The following RCC1L variants were observed in gnomAD, a reference collection of about 807,000 sequenced individuals.
RCC1L encodes the protein RCC1-like G exchanging factor-like protein.
In RCC1L, 46 loss-of-function variants were observed where a neutral mutation model predicts 58.6. The observed-to-expected ratio is 0.79, with a 90% CI of 0.62 to 1.00. The LOEUF (loss-of-function observed/expected upper bound fraction) is 1.00. Among genes scored for constraint, RCC1L ranks in the 50% least tolerant of loss-of-function variants. RCC1L has a pLI of 0.00. For missense variants in RCC1L, 636 were observed against 623.6 expected, an observed-to-expected ratio of 1.02 and a Z score of -0.21; for synonymous variants, 281 against 262.9, an observed-to-expected ratio of 1.07 and a Z score of -0.67.
At chr7:75,039,679 G>A (rs1419059158), downstream of RCC1L, among the ~76,000 whole-genome samples, 3 of 152,090 alleles carry the variant, frequency 2.0e-5, no homozygotes, top group Non-Finnish European at 4.4e-5. Flanking sequence ...TTCCACCCGG[G>A]TGCCTCTCTG....
chr7:75,048,780 C>T (rs1161046773), intron 10 of RCC1L, among the ~76,000 whole-genome samples: 3 of 152,234 alleles, frequency 2.0e-5, no homozygotes, highest in Middle Eastern at 3.2e-3. Context: ...TCAAATGTTC[C>T]GTGCCACTGC....
chr7:75,072,254 T>C (rs1241657207), intron 1 of RCC1L, among the ~76,000 whole-genome samples: 1 of 142,966 alleles, frequency 7.0e-6, no homozygotes, highest in Non-Finnish European at 1.5e-5. Flanking sequence ...CTCAAACTCT[T>C]GAACTCAAAT....
rs1806332458 is a variant in RCC1L, at chr7:75,063,245, A to G, written c.702+47T>C. 2.5e-6 allele frequency: 4 copies of G among 1,612,436 alleles called. No individual in the cohort carries two copies. The Admixed American group carries it at 5.0e-5, about 20-fold the overall frequency. ...CCCTACCCAAATCTCAACTTTTCAA[A>G]AGCACCCCAGGAACACAACAAGCAG... On this transcript the variant is annotated intron_variant, in intron 5 of 10. Transcript: ENST00000610322.
At chr7:75,045,715 C>A (rs1805699072) in intron 10 of RCC1L, among the ~76,000 whole-genome samples, 2 of 152,310 alleles carry the variant, frequency 1.3e-5, no homozygotes, top group Non-Finnish European at 1.5e-5. Context: ...GGGGTTTCAC[C>A]ATGTTGGCTA....
At chr7:75,068,151 C>A (rs1554445499) in intron 2 of RCC1L, among the ~76,000 whole-genome samples, 1 of 150,436 alleles carries the variant, frequency 6.6e-6, no homozygotes, top group African/African-American at 2.4e-5. Flanking sequence ...GAAACCCCAT[C>A]TCTACTAAAA....
At chr7:75,050,966 G>A (rs1323678490) in intron 10 of RCC1L, among the ~76,000 whole-genome samples, 1 of 151,882 alleles carries the variant, frequency 6.6e-6, no homozygotes, top group African/African-American at 2.4e-5. Flanking sequence ...GGTGGTGTAC[G>A]CCTGTGGTCC....
rs1806779382 is a variant in RCC1L, at chr7:75,072,176, A to ATATATATATATATG, written c.324+1237_324+1238insCATATATATATATA. Among the ~76,000 whole-genome samples, 5 of 94,366 alleles carry ATATATATATATATG rather than the reference A, an allele frequency of 5.3e-5. No individual in the cohort carries two copies. The South Asian group carries it at 1.6e-3, about 30-fold the overall frequency. 61.9% of individuals were successfully genotyped at this position (94,366 alleles called of 152,430 possible). A position where few individuals can be genotyped will look rare whatever the true frequency, so the allele number is the denominator to read the frequency against. On this transcript the variant is annotated intron_variant, in intron 1 of 10. Coordinates refer to ENST00000610322, the MANE Select transcript of RCC1L (RefSeq NM_030798.5). ...TATACATATACATATATATATATAT[A>ATATATATATATATG]TATATATATATATATGGAGAGAGAG...
At chr7:75,050,384 G>A (rs1584492843) in intron 10 of RCC1L, among the ~76,000 whole-genome samples, 2 of 152,200 alleles carry the variant, frequency 1.3e-5, no homozygotes, top group Non-Finnish European at 2.9e-5. Context: ...GAATGTCAAC[G>A]GGATCGGGCT....
chr7:75,030,518 A>G (rs2131965405), intron 10 of RCC1L, among the ~76,000 whole-genome samples: 1 of 152,292 alleles, frequency 6.6e-6, no homozygotes, highest in Non-Finnish European at 1.5e-5. Context: ...GTTCTGGCTC[A>G]GGGTCATTCA....
At chr7:75,052,886 A>G in intron 9 of RCC1L, 90 bp from the exon 10 acceptor site, 2 of 1,266,844 alleles carry the variant, frequency 1.6e-6, no homozygotes, top group Non-Finnish European at 2.3e-6. Flanking sequence ...GGCTTTCTAG[A>G]ACCAGATACC....
intron 1 of RCC1L, among the ~76,000 whole-genome samples, chr7:75,072,083 CA>C (rs1207069069): frequency 2.2e-5 from 3 of 133,412 alleles, no homozygotes. Context: ...GCAACAGAGC[CA>C]GATCAAAAAA....
rs990023089 is a variant in RCC1L, at chr7:75,058,439, C to T, written c.969+149G>A. 1.1e-5 allele frequency: 11 copies of T among 1,020,904 alleles called. No homozygotes were observed. The African/African-American group carries it at 1.4e-4, about 13-fold the overall frequency. The allele number at this position is 1,020,904 out of a possible 1,614,324, so 63.2% of individuals were successfully genotyped here. A position where few individuals can be genotyped will look rare whatever the true frequency, so the allele number is the denominator to read the frequency against. The stretch of plus-strand genomic sequence containing the variant: ...AGAGATGGGGTTTTGCCATGTTGCC[C>T]AGGCTGGTCCTGAACTCCTGACCTC... On this transcript the variant is annotated intron_variant, in intron 7 of 10. Coordinates refer to ENST00000610322, the MANE Select transcript of RCC1L (RefSeq NM_030798.5).
chr7:75,039,489 T>C (rs1805499311), downstream of RCC1L, among the ~76,000 whole-genome samples: 2 of 152,222 alleles, frequency 1.3e-5, no homozygotes, highest in African/African-American at 2.4e-5. Flanking sequence ...TTGGATTAGC[T>C]GTGAAGGGTT....
At chr7:75,072,457 C>T (rs1806798277) in intron 1 of RCC1L, among the ~76,000 whole-genome samples, 1 of 151,794 alleles carries the variant, frequency 6.6e-6, no homozygotes, top group Admixed American at 6.6e-5. Flanking sequence ...GGTTGAGTAA[C>T]TTGACTGCAT....
chr7:75,037,556 G>A (rs1373286049), downstream of RCC1L, among the ~76,000 whole-genome samples: 166 of 145,060 alleles, frequency 1.1e-3, 1 homozygote, highest in Non-Finnish European at 1.7e-3. Context: ...CCAGGCTGGA[G>A]TGCAGTGGCT....
At chr7:75,048,390 C>A (rs1402773173) in intron 10 of RCC1L, among the ~76,000 whole-genome samples, 5 of 152,208 alleles carry the variant, frequency 3.3e-5, no homozygotes, top group African/African-American at 4.8e-5. Flanking sequence ...CGGTCCTGAC[C>A]TGCAGGGCCC....
At chr7:75,031,414 A>G (rs1805301443) in intron 10 of RCC1L, among the ~76,000 whole-genome samples, 1 of 152,142 alleles carries the variant, frequency 6.6e-6, no homozygotes, top group East Asian at 1.9e-4. Flanking sequence ...AAGAAACACA[A>G]AACCCTCGAG....
At chr7:75,031,952 TCA>T (rs1329775614) in intron 10 of RCC1L, among the ~76,000 whole-genome samples, 1 of 152,186 alleles carries the variant, frequency 6.6e-6, no homozygotes, top group Non-Finnish European at 1.5e-5. Context: ...TTGAGTGTCC[TCA>T]CAATATGGCG....
chr7:75,072,161 C>CATACATATATAT (rs1554446238), intron 1 of RCC1L, among the ~76,000 whole-genome samples: 22 of 46,366 alleles, frequency 4.7e-4, no homozygotes, highest in African/African-American at 1.3e-3. Flanking sequence ...TATACATATA[C>CATACATATATAT]ATATATATAT....
Sources: allele counts gnomAD v4.1 joint callset (sites outside exome capture counted in the v4.1 genomes callset), GRCh38; gene constraint gnomAD v4.1.1; transcripts MANE v1.5; gene names NCBI Gene and HGNC (gene_info 2026-07-23, HGNC 2026-07-21).